Variants in SLC7A14 observed in about 807,000 individuals in gnomAD.
The protein encoded by SLC7A14 is gamma-aminobutyric acid transporter SLC7A14.
In SLC7A14, 37 loss-of-function variants were observed where a neutral mutation model predicts 60.2. The ratio of observed to expected loss-of-function variants is 0.61; its 90% CI spans 0.47 to 0.81. The LOEUF is 0.81. SLC7A14 is among the 30% of genes least tolerant of loss of function. The pLI, the probability that SLC7A14 is intolerant of heterozygous loss-of-function variation, is 0.00. For synonymous variants in SLC7A14, 399 were observed against 395.8 expected, an observed-to-expected ratio of 1.01 and a Z score of -0.10; for missense variants, 886 against 982.7, an observed-to-expected ratio of 0.90 and a Z score of 1.32.
intron 2 of SLC7A14, among the ~76,000 whole-genome samples, chr3:170,508,816 G>A (rs1267189186): frequency 2.0e-5 from 3 of 152,194 alleles, no homozygotes; most frequent in Non-Finnish European, 1.5e-5. Flanking sequence ...AGTGGGGTAT[G>A]AAGAGAAATC....
chr3:170,577,109 T>C (rs1439579154), intron 1 of SLC7A14, among the ~76,000 whole-genome samples: 1 of 152,198 alleles, frequency 6.6e-6, no homozygotes, highest in Non-Finnish European at 1.5e-5. Context: ...ACTAACTCTA[T>C]GGTTAACAAG....
rs1739571905 is a variant in SLC7A14 at position 170,460,374 on chromosome 3, A to G, written c.*6681T>C. Reference sequence around the variant, plus strand: ...GAATGAGGACTATAGCTGCTCTCTTAAAAACCTGCAGCCCCCTCTCTCAGC... The same window carrying G: ...GAATGAGGACTATAGCTGCTCTCTTGAAAACCTGCAGCCCCCTCTCTCAGC... On this transcript the variant is annotated 3_prime_UTR_variant, in exon 8 of 8. Transcript: ENST00000231706. The G allele has an allele frequency of 6.6e-6, 1 of 152,234 alleles. No individual in the cohort carries two copies. The highest frequency in any genetic ancestry group is 2.4e-5 in the African/African-American group (1 of 41,458). The allele number at this position is 152,234 out of a possible 1,614,324, so 9.4% of individuals were successfully genotyped here.
At chr3:170,497,874 A>T (rs897585921) in intron 4 of SLC7A14, among the ~76,000 whole-genome samples, 1 of 152,212 alleles carries the variant, frequency 6.6e-6, no homozygotes, top group Admixed American at 6.5e-5. Flanking sequence ...ATCTGAAAAC[A>T]TCCTTTTGGT....
At chr3:170,563,402 ACTGT>A (rs1485886896) in intron 1 of SLC7A14, among the ~76,000 whole-genome samples, 2 of 136,758 alleles carry the variant, frequency 1.5e-5, no homozygotes, top group Admixed American at 7.7e-5. Flanking sequence ...TTCAACAAAC[ACTGT>A]TTGTTTGTTT....
At chr3:170,554,935 G>A (rs565850331) in intron 1 of SLC7A14, among the ~76,000 whole-genome samples, 21 of 152,218 alleles carry the variant, frequency 1.4e-4, no homozygotes, top group African/African-American at 4.8e-4. Flanking sequence ...TTGGGAGGCC[G>A]AGGTGGGCAG....
In SLC7A14 at chr3:170,461,171, C is replaced by G. The variant is rs149111298; in HGVS notation, c.*5884G>C. The G allele has an allele frequency of 4.6e-5, 7 of 152,378 alleles. No homozygotes were observed. Among genetic ancestry groups the G allele is most frequent in the African/African-American group, 1.7e-4 (7 of 41,448 alleles). 9.4% of individuals were successfully genotyped at this position (152,378 alleles called of 1,614,324 possible). ...TCAGGTGATCCACCCGCCTCGGCCTCCCAAAGTGCTGGGATTACAGGCATG... is the reference window on the plus strand; with the variant it reads ...TCAGGTGATCCACCCGCCTCGGCCTGCCAAAGTGCTGGGATTACAGGCATG... On this transcript the variant is annotated 3_prime_UTR_variant, in exon 8 of 8. Coordinates refer to ENST00000231706, the MANE Select transcript of SLC7A14 (RefSeq NM_020949.3).
intron 1 of SLC7A14, among the ~76,000 whole-genome samples, chr3:170,578,279 T>A (rs1159829469): frequency 6.6e-6 from 1 of 152,240 alleles, no homozygotes; most frequent in Admixed American, 6.5e-5. Context: ...AATTGGTCAA[T>A]GACATCAATT....
intron 2 of SLC7A14, among the ~76,000 whole-genome samples, chr3:170,504,294 GA>G (rs1215361779): frequency 1.3e-5 from 2 of 152,036 alleles, no homozygotes; most frequent in African/African-American, 2.4e-5. Context: ...TAAAAGCATG[GA>G]AATGGAATTT....
intron 2 of SLC7A14, among the ~76,000 whole-genome samples, chr3:170,505,760 C>T (rs543067924): frequency 8.3e-4 from 126 of 152,130 alleles, no homozygotes; most frequent in African/African-American, 2.7e-3. Context: ...CAGTGGCGGA[C>T]GCCTGTAGTC....
chr3:170,500,565 C>T (rs1037179710), intron 3 of SLC7A14, among the ~76,000 whole-genome samples: 2 of 151,890 alleles, frequency 1.3e-5, no homozygotes, highest in Non-Finnish European at 2.9e-5. Context: ...CCCTCCCTGA[C>T]CTCTTCTAGG....
chr3:170,571,104 C>T (rs985208523), intron 1 of SLC7A14, among the ~76,000 whole-genome samples: 1 of 152,164 alleles, frequency 6.6e-6, no homozygotes, highest in Admixed American at 6.5e-5. Flanking sequence ...AACAAAATGG[C>T]CTTTCAAATT....
intron 1 of SLC7A14, among the ~76,000 whole-genome samples, chr3:170,552,645 T>C (rs183358088): frequency 4.5e-4 from 69 of 152,274 alleles, no homozygotes; most frequent in Middle Eastern, 3.4e-3. Flanking sequence ...GTTTTGACAG[T>C]CAAGACATCT....
At chr3:170,552,530 G>T (rs1201215765) in intron 1 of SLC7A14, among the ~76,000 whole-genome samples, 3 of 152,158 alleles carry the variant, frequency 2.0e-5, no homozygotes, top group Non-Finnish European at 4.4e-5. Flanking sequence ...TTGTCTGGTT[G>T]TATATTTGAA....
chr3:170,492,810 G>A (rs899581852), intron 4 of SLC7A14, among the ~76,000 whole-genome samples: 5 of 152,122 alleles, frequency 3.3e-5, no homozygotes, highest in South Asian at 2.1e-4. Flanking sequence ...CCAGTCTGCC[G>A]GATGCCTGGG....
At chr3:170,544,462 G>A (rs1003435700) in intron 1 of SLC7A14, among the ~76,000 whole-genome samples, 5 of 152,086 alleles carry the variant, frequency 3.3e-5, no homozygotes, top group Non-Finnish European at 7.4e-5. Flanking sequence ...GATAATCCTC[G>A]CCTAAATAAC....
chr3:170,541,379 C>T lies in SLC7A14; in HGVS notation c.-152-14291G>A, dbSNP rs144763037. Among the ~76,000 whole-genome samples, 247 of 152,298 alleles carry T rather than the reference C, an allele frequency of 1.6e-3. 2 individuals are homozygous for T. The highest frequency in any genetic ancestry group is 5.8e-3 in the African/African-American group (241 of 41,572). ...TTGGGAAGCCAAGGTGGGAGGATCA[C>T]TTGAGGCCAGGAGTTCAAGACCAGC... On this transcript the variant is annotated intron_variant, in intron 1 of 7. Coordinates refer to ENST00000231706, the MANE Select transcript of SLC7A14 (RefSeq NM_020949.3).
chr3:170,579,929 G>GAA (rs1309276657), intron 1 of SLC7A14, among the ~76,000 whole-genome samples: 1 of 152,226 alleles, frequency 6.6e-6, no homozygotes, highest in Non-Finnish European at 1.5e-5. Flanking sequence ...TTTTCTGGGT[G>GAA]AAGCAGCAAG....
intron 1 of SLC7A14, among the ~76,000 whole-genome samples, chr3:170,536,833 A>G (rs910002642): frequency 6.6e-6 from 1 of 152,208 alleles, no homozygotes; most frequent in Non-Finnish European, 1.5e-5. Context: ...CCCAAATGTG[A>G]TTGTAGAGGC....
At position 170,466,418 on chromosome 3, in the gene SLC7A14, G is replaced by C. The variant is rs1739724553; in HGVS notation, c.*637C>G. 1 of 152,052 alleles carries C rather than the reference G, an allele frequency of 6.6e-6. No homozygotes were observed. Among genetic ancestry groups the C allele is most frequent in the African/African-American group, 2.4e-5 (1 of 41,368 alleles). 9.4% of individuals were successfully genotyped at this position (152,052 alleles called of 1,614,324 possible). ...GATGGTGCTTCTTACCATATCACTG[G>C]GTCTGCCTGACTGCTTTATGGTGAA... On this transcript the variant is annotated 3_prime_UTR_variant, in exon 8 of 8. Transcript: ENST00000231706.
Sources: gnomAD v4.1 joint callset for allele counts (sites outside exome capture counted in the v4.1 genomes callset) on GRCh38, gnomAD v4.1.1 for gene constraint, MANE v1.5 for transcripts, NCBI Gene and HGNC (gene_info 2026-07-23, HGNC 2026-07-21) for gene names.